The following PIWIL3 variants were observed in gnomAD, a reference collection of about 807,000 sequenced individuals.
The protein encoded by PIWIL3 is piwi like RNA-mediated gene silencing 3.
Under a neutral mutation model 109.7 loss-of-function variants are expected in PIWIL3, and 101 were observed. The ratio of observed to expected loss-of-function variants is 0.92; its 90% CI spans 0.78 to 1.09. The LOEUF (loss-of-function observed/expected upper bound fraction) is 1.09. PIWIL3 is among the 50% of genes least tolerant of loss of function. The probability of loss-of-function intolerance (pLI) is 0.00; values close to 1 mark genes in which losing one functional copy is unlikely to be tolerated. For synonymous variants in PIWIL3, 373 were observed against 376.4 expected, an observed-to-expected ratio of 0.99 and a Z score of 0.10; for missense variants, 1,031 against 1,072.6, an observed-to-expected ratio of 0.96 and a Z score of 0.54.
At chr22:24,729,654 T>C (rs1923216277) in intron 14 of PIWIL3, among the ~76,000 whole-genome samples, 1 of 152,222 alleles carries the variant, frequency 6.6e-6, no homozygotes, top group Admixed American at 6.5e-5. Flanking sequence ...CGATGATGTT[T>C]ATAGGAAGTT....
rs376520136 is a variant in PIWIL3 at position 24,732,508 on chromosome 22, T to C, written c.1707+1576A>G. Among the ~76,000 whole-genome samples, 15 of 152,164 alleles carry C rather than the reference T, an allele frequency of 9.9e-5. No individual in the cohort carries two copies. The South Asian group carries it at 2.5e-3, about 25-fold the overall frequency. ...TCTTCTTCAAGAGGCAGAAGTTCTT[T>C]AAAGAAAGCCCCACATTAAAAAGGT... On this transcript the variant is annotated intron_variant, in intron 14 of 20. Coordinates refer to ENST00000616349, the MANE Select transcript of PIWIL3 (RefSeq NM_001255975.1).
Position 24,723,163 on chromosome 22 carries a change from G to T in PIWIL3, c.2324C>A (p.Thr775Lys). 6.2e-7 allele frequency: 1 copy of T among 1,612,756 alleles called. No homozygotes were observed. Among genetic ancestry groups the T allele is most frequent in the Non-Finnish European group, 8.5e-7 (1 of 1,179,010 alleles). The change falls in exon 19 of 21, where the codon ACA (threonine) becomes AAA (lysine). Residue 775 changes from threonine to lysine, a missense_variant. Physicochemically the swap from Thr to Lys is moderately conservative, Grantham distance 78 (BLOSUM62 -1). Coordinates refer to ENST00000616349, the MANE Select transcript of PIWIL3 (RefSeq NM_001255975.1). ...GSNFQNPPPG[T>K]VIDVELTRNE... ...CCTAGTCAACTCTACATCAATAACTGTTCCTGGAGGTGGATTTTGAAAATT... is the reference window on the plus strand; with the variant it reads ...CCTAGTCAACTCTACATCAATAACTTTTCCTGGAGGTGGATTTTGAAAATT...
chr22:24,727,290 G>C (rs1202876064), intron 16 of PIWIL3, among the ~76,000 whole-genome samples: 4 of 152,194 alleles, frequency 2.6e-5, no homozygotes, highest in Non-Finnish European at 5.9e-5. Flanking sequence ...TTGACTTTAT[G>C]ATAAAAGTTT....
intron 19 of PIWIL3, among the ~76,000 whole-genome samples, chr22:24,720,547 A>G (rs1922617675): frequency 2.0e-5 from 3 of 152,190 alleles, no homozygotes; most frequent in Admixed American, 1.3e-4. Context: ...CTGGGATTAC[A>G]GGCATGAGCC....
At chr22:24,721,281 T>C (rs975632209) in intron 19 of PIWIL3, among the ~76,000 whole-genome samples, 5 of 152,220 alleles carry the variant, frequency 3.3e-5, no homozygotes, top group Non-Finnish European at 5.9e-5. Context: ...AATGTGATTT[T>C]TATTGTTTGT....
chr22:24,734,185 A>G (rs1299786593), intron 13 of PIWIL3, 29 bp from the exon 14 acceptor site: 22 of 1,603,334 alleles, frequency 1.4e-5, no homozygotes, highest in Non-Finnish European at 1.9e-5. Context: ...ATCCACATCC[A>G]AAAGATACCA....
intron 1 of PIWIL3, among the ~76,000 whole-genome samples, chr22:24,768,790 G>A (rs1457150366): frequency 6.6e-6 from 1 of 152,172 alleles, no homozygotes; most frequent in Non-Finnish European, 1.5e-5. Context: ...CTGACAGCTT[G>A]GACAATAGTT....
chr22:24,763,795 G>A (rs1379665487), intron 1 of PIWIL3, among the ~76,000 whole-genome samples: 1 of 134,240 alleles, frequency 7.4e-6, no homozygotes, highest in East Asian at 2.7e-4. Flanking sequence ...CTCAGCTCCC[G>A]CATCCTGAGT....
chr22:24,721,798 C>G (rs1337677246), intron 19 of PIWIL3, among the ~76,000 whole-genome samples: 1 of 152,044 alleles, frequency 6.6e-6, no homozygotes, highest in Non-Finnish European at 1.5e-5. Flanking sequence ...TAGAATGTCT[C>G]TAACCATTTC....
At chr22:24,766,180 T>C (rs1002239918) in intron 1 of PIWIL3, among the ~76,000 whole-genome samples, 2 of 151,958 alleles carry the variant, frequency 1.3e-5, no homozygotes, top group Non-Finnish European at 2.9e-5. Context: ...GGAGACGGGG[T>C]TTCACCATGT....
At chr22:24,729,716 T>C (rs1034818063) in intron 14 of PIWIL3, among the ~76,000 whole-genome samples, 1 of 152,242 alleles carries the variant, frequency 6.6e-6, no homozygotes, top group Non-Finnish European at 1.5e-5. Context: ...TATTCTATAC[T>C]GTTTTTCTTC....
intron 14 of PIWIL3, among the ~76,000 whole-genome samples, chr22:24,731,531 G>A (rs1923348647): frequency 6.6e-6 from 1 of 151,638 alleles, no homozygotes; most frequent in African/African-American, 2.4e-5. Context: ...GACGCCTGTA[G>A]TCCCAGCTAC....
chr22:24,766,639 A>T (rs1440824854), intron 1 of PIWIL3, among the ~76,000 whole-genome samples: 1 of 152,106 alleles, frequency 6.6e-6, no homozygotes, highest in Non-Finnish European at 1.5e-5. Flanking sequence ...GATATTTTTT[A>T]AAAATCACCA....
intron 1 of PIWIL3, among the ~76,000 whole-genome samples, chr22:24,764,019 T>C (rs1925626247): frequency 1.3e-5 from 2 of 152,018 alleles, no homozygotes; most frequent in Admixed American, 1.3e-4. Context: ...TCCTCTTGCC[T>C]TTCTGGGCAC....
chr22:24,749,652 A>C, intron 10 of PIWIL3, 41 bp downstream of exon 10: 1 of 1,614,050 alleles, frequency 6.2e-7, no homozygotes, highest in East Asian at 2.2e-5. Flanking sequence ...TTAAGTCGTA[A>C]TTATACCTGA....
rs150451786 is a variant in PIWIL3, at chr22:24,724,498, G to A, written c.2231+389C>T. ...TGCCCAGGCTGGAATGCAATGGCGC[G>A]ATCTCGGCTCACTGCAACCTCTGCC... On this transcript the variant is annotated intron_variant, in intron 18 of 20. Coordinates refer to ENST00000616349, the MANE Select transcript of PIWIL3 (RefSeq NM_001255975.1). Among the ~76,000 whole-genome samples, 29 of 151,194 alleles carry A rather than the reference G, an allele frequency of 1.9e-4. No homozygotes were observed. In the East Asian group the frequency reaches 2.9e-3, roughly 15 times the overall value.
intron 12 of PIWIL3, among the ~76,000 whole-genome samples, chr22:24,744,128 A>G (rs923659788): frequency 1.3e-5 from 2 of 149,010 alleles, no homozygotes; most frequent in African/African-American, 4.9e-5. Flanking sequence ...CTTCTCAATA[A>G]TAACACTGAA....
chr22:24,773,333 C>A (rs1350251347), intron 1 of PIWIL3, among the ~76,000 whole-genome samples: 1 of 152,186 alleles, frequency 6.6e-6, no homozygotes, highest in Non-Finnish European at 1.5e-5. Flanking sequence ...TCTCCTTTTG[C>A]CAAAAGAATT....
chr22:24,750,109 A>G (rs950634336), intron 9 of PIWIL3, among the ~76,000 whole-genome samples: 2 of 152,328 alleles, frequency 1.3e-5, no homozygotes, highest in East Asian at 3.9e-4. Context: ...TGGGTGAGAC[A>G]GTATCTGAGG....
Sources: allele counts gnomAD v4.1 joint callset (sites outside exome capture counted in the v4.1 genomes callset), GRCh38; gene constraint gnomAD v4.1.1; transcripts MANE v1.5; gene names NCBI Gene and HGNC (gene_info 2026-07-23, HGNC 2026-07-21).